The following ANAPC2 variants were observed in gnomAD, a reference collection of about 807,000 sequenced individuals.
ANAPC2 encodes the protein anaphase promoting complex subunit 2.
In ANAPC2, 29 loss-of-function variants were observed where a neutral mutation model predicts 84.3. The observed-to-expected ratio is 0.34, with a 90% CI of 0.26 to 0.47. The LOEUF (loss-of-function observed/expected upper bound fraction) is 0.47. ANAPC2 is among the 20% of genes least tolerant of loss of function. The pLI, the probability that ANAPC2 is intolerant of heterozygous loss-of-function variation, is 1.00. For missense variants in ANAPC2, 857 were observed against 1,131.7 expected, an observed-to-expected ratio of 0.76 and a Z score of 3.48; for synonymous variants, 571 against 479.4, an observed-to-expected ratio of 1.19 and a Z score of -2.50.
At position 137,180,905 on chromosome 9, in the gene ANAPC2, G is replaced by T. The variant is rs201454359; in HGVS notation, c.1493C>A (p.Ser498Ter). Residue 498 changes from serine (S) to a stop codon, truncating the protein, a stop_gained, in exon 8 of 13, where the codon TCA (serine) becomes TAA (stop). Coordinates refer to ENST00000323927, the MANE Select transcript of ANAPC2 (RefSeq NM_013366.4). LOFTEE classifies it high-confidence loss of function. ...DPGKSSSKRR[S>*]SDIISLLVSI... is the part of the protein sequence containing the mutation. ...GACCAGCAGGCTGATGATGTCCGAT[G>T]AACGCCGCTTGGAGCTCGACTTCCC... 6.2e-7 allele frequency: 1 copy of T among 1,613,508 alleles called. No individual in the cohort carries two copies. Among genetic ancestry groups the T allele is most frequent in the East Asian group, 2.2e-5 (1 of 44,884 alleles).
intron 10 of ANAPC2, among the ~76,000 whole-genome samples, chr9:137,179,796 T>C (rs1834301982): frequency 6.6e-6 from 1 of 152,178 alleles, no homozygotes; most frequent in African/African-American, 2.4e-5. Flanking sequence ...GCTGCCTCCC[T>C]GCAGTGACGC....
intron 2 of ANAPC2, 85 bp downstream of exon 2, chr9:137,187,396 G>T (rs1341403784): frequency 1.3e-6 from 2 of 1,510,252 alleles, no homozygotes; most frequent in Non-Finnish European, 1.8e-6. Flanking sequence ...CGGCTCACCA[G>T]CTTTCTGCTG....
intron 4 of ANAPC2, among the ~76,000 whole-genome samples, 199 bp downstream of exon 4, chr9:137,184,714 G>A (rs1194461154): frequency 6.9e-6 from 1 of 144,618 alleles, no homozygotes; most frequent in Non-Finnish European, 1.5e-5. Flanking sequence ...GGCACAGGGA[G>A]CCCAAGACGC....
At position 137,188,075 on chromosome 9, in the gene ANAPC2, G is replaced by C; in HGVS notation, c.146C>G (p.Pro49Arg). ...CGCCCGGAGCTCCTCTTCCTTTGGC[G>C]GGACTGCACCGCTGGTCCGGGAAGA... ...LVSSRTSGAV[P>R]PKEEELRAAV... is the part of the protein sequence containing the mutation. Residue 49 changes from proline (P) to arginine (R), a missense_variant, in exon 2 of 13, where the codon CCG becomes CGG. This residue lies in a region of ANAPC2 where 428 missense variants were observed against 513.8 expected (regional missense o/e 0.83). Transcript: ENST00000323927. 1.2e-6 allele frequency: 2 copies of C among 1,612,796 alleles called. No homozygotes were observed. The highest frequency in any genetic ancestry group is 1.7e-6 in the Non-Finnish European group (2 of 1,179,870).
At position 137,180,841 on chromosome 9, in the gene ANAPC2, G is replaced by A. The variant is rs1834327737; in HGVS notation, c.1557C>T (p.Tyr519=). 1.9e-6 allele frequency: 3 copies of A among 1,612,884 alleles called. No individual in the cohort carries two copies. Among genetic ancestry groups the A allele is most frequent in the Non-Finnish European group, 2.5e-6 (3 of 1,179,962 alleles). ...GCAGGCGGTCGGCCAGCAGCGAGCGGTACTCATTGATGAAGAGGTCCTTGC... is the reference window on the plus strand; with the variant it reads ...GCAGGCGGTCGGCCAGCAGCGAGCGATACTCATTGATGAAGAGGTCCTTGC... ...YGSKDLFINE[Y]RSLLADRLLH... Residue 519 remains tyrosine, a synonymous_variant, in exon 8 of 13, where the codon TAC becomes TAT. Transcript: ENST00000323927.
intron 4 of ANAPC2, among the ~76,000 whole-genome samples, chr9:137,184,612 C>A (rs1834419278): frequency 7.2e-6 from 1 of 139,768 alleles, no homozygotes; most frequent in African/African-American, 2.8e-5. Context: ...CTGGGAGCCC[C>A]AGACGCAGAC....
chr9:137,180,253 G>A lies in ANAPC2; in HGVS notation c.1818C>T (p.Asp606=), dbSNP rs776348056. 1.1e-5 allele frequency: 18 copies of A among 1,613,672 alleles called. No homozygotes were observed. Among genetic ancestry groups the A allele is most frequent in the African/African-American group, 6.7e-5 (5 of 74,944 alleles). Residue 606 remains aspartate, a synonymous_variant, in exon 10 of 13, where the codon GAC becomes GAT. Coordinates refer to ENST00000323927, the MANE Select transcript of ANAPC2 (RefSeq NM_013366.4). ...TATCCTCGGGGACCTCCAGCTTCTC[G>A]TCCTTGAAGGGCGGCCAGAACTCAC... ...LSSEFWPPFK[D]EKLEVPEDIR...
intron 5 of ANAPC2, 105 bp downstream of exon 5, chr9:137,183,567 C>T: frequency 1.4e-6 from 2 of 1,477,018 alleles, no homozygotes; most frequent in African/African-American, 1.4e-5. Context: ...CTTCCTTAGA[C>T]CTACAAGTCC....
At chr9:137,184,874 CA>C in intron 4 of ANAPC2, 38 bp downstream of exon 4, 1 of 1,603,400 alleles carries the variant, frequency 6.2e-7, no homozygotes, top group Non-Finnish European at 8.5e-7. Context: ...GAAGACTCCC[CA>C]GACGGGAGAG....
chr9:137,183,846 G>C, intron 4 of ANAPC2, 55 bp from the exon 5 acceptor site: 16 of 1,596,574 alleles, frequency 1.0e-5, no homozygotes, highest in Non-Finnish European at 1.4e-5. Context: ...CGCACGTGCA[G>C]GCTGGTGCAG....
chr9:137,175,014 C>T lies in ANAPC2; in HGVS notation c.2397G>A (p.Leu799=), dbSNP rs142711586. 1 of 1,604,404 alleles carries T rather than the reference C, an allele frequency of 6.2e-7. No individual in the cohort carries two copies. The highest frequency in any genetic ancestry group is 1.3e-5 in the African/African-American group (1 of 74,940). Residue 799 remains leucine, a synonymous_variant, in exon 13 of 13, where the codon CTG becomes CTA. Transcript: ENST00000323927. The part of the protein sequence containing the change: ...EIDLQELQGY[L]QKKVRDQQLV... The stretch of plus-strand genomic sequence containing the variant: ...GCTGCTGGTCCCGCACCTTCTTCTG[C>T]AGGTAGCCCTGCAGCTCCTGCAGGT...
In ANAPC2 at chr9:137,183,123, A is replaced by C; in HGVS notation, c.1286+2T>G. ...GGCTCCTGGGCCAGCTGCAGCCCTCACCTCAGGTAGCGGCGGATAGGCTCA... is the reference window on the plus strand; with the variant it reads ...GGCTCCTGGGCCAGCTGCAGCCCTCCCCTCAGGTAGCGGCGGATAGGCTCA... On this transcript the variant is annotated splice_donor_variant, in intron 6 of 12. Transcript: ENST00000323927. LOFTEE classifies it high-confidence loss of function. 1 of 1,610,660 alleles carries C rather than the reference A, an allele frequency of 6.2e-7. No individual in the cohort carries two copies. Among genetic ancestry groups the C allele is most frequent in the Non-Finnish European group, 8.5e-7 (1 of 1,177,998 alleles).
In ANAPC2 at chr9:137,181,767, G is replaced by A. The variant is rs1291251076; in HGVS notation, c.1382C>T (p.Pro461Leu). ...GTCCTGGCCTGTCTCCAGGCTCGCC[G>A]GGTCGGTCTTGGACAGCTCAACAGC... Reference protein sequence around the residue: ...DLAVELSKTDPASLETGQDSE... With the variant: ...DLAVELSKTDLASLETGQDSE... The change falls in exon 7 of 13, where the codon CCG becomes CTG. Residue 461 changes from proline to leucine, a missense_variant. Coordinates refer to ENST00000323927, the MANE Select transcript of ANAPC2 (RefSeq NM_013366.4). 2.5e-6 allele frequency: 4 copies of A among 1,611,162 alleles called. No homozygotes were observed. The highest frequency in any genetic ancestry group is 2.5e-6 in the Non-Finnish European group (3 of 1,179,934).
chr9:137,176,117 G>C (rs186828685), intron 10 of ANAPC2: 477 of 369,592 alleles, frequency 1.3e-3, no homozygotes, highest in African/African-American at 8.8e-3. Flanking sequence ...TTGCAAACAG[G>C]GTTGATGCAG....
At position 137,181,671 on chromosome 9, in the gene ANAPC2, G is replaced by A. The variant is rs1333708759; in HGVS notation, c.1468+10C>T. 1.3e-6 allele frequency: 2 copies of A among 1,582,340 alleles called. No homozygotes were observed. Among genetic ancestry groups the A allele is most frequent in the African/African-American group, 2.7e-5 (2 of 74,272 alleles). ...ACACTGGTGAAAGGGACCATGTGGG[G>A]CAAGCTAACCTGGATCGGCATCCAC... On this transcript the variant is annotated intron_variant, in intron 7 of 12. Transcript: ENST00000323927.
Position 137,174,893 on chromosome 9 carries a change from G to A in ANAPC2, c.*49C>T, listed in dbSNP as rs770028631. On this transcript the variant is annotated 3_prime_UTR_variant, in exon 13 of 13. Transcript: ENST00000323927. This position sits in a 1 kb window ranked among gnomAD's most constrained non-coding sequence, Gnocchi z 6.1. ...CGGGGGCTGGCACGGGAGGACGAGA[G>A]CACCTGCAGGGCAGCGCCTGGCGGG... The A allele has an allele frequency of 3.7e-6, 5 of 1,335,226 alleles. No individual in the cohort carries two copies. The highest frequency in any genetic ancestry group is 4.9e-6 in the Non-Finnish European group (5 of 1,026,988). The allele number at this position is 1,335,226 out of a possible 1,614,324, so 82.7% of individuals were successfully genotyped here. A position where few individuals can be genotyped will look rare whatever the true frequency, so the allele number is the denominator to read the frequency against.
chr9:137,177,064 C>G (rs1187979038), intron 10 of ANAPC2: 1 of 152,162 alleles, frequency 6.6e-6, no homozygotes, highest in Admixed American at 6.5e-5. Flanking sequence ...CAGCAGCAGA[C>G]AGGGACAGGT....
At position 137,180,847 on chromosome 9, in the gene ANAPC2, A is replaced by G. The variant is rs371943537; in HGVS notation, c.1551T>C (p.Asn517=). The G allele has an allele frequency of 2.5e-6, 4 of 1,613,054 alleles. No homozygotes were observed. The African/African-American group carries it at 4.0e-5, about 16-fold the overall frequency. The change falls in exon 8 of 13, where the codon AAT becomes AAC. Residue 517 remains asparagine (N), a synonymous_variant. Transcript: ENST00000323927. ...SIYGSKDLFI[N]EYRSLLADRL... The stretch of plus-strand genomic sequence containing the variant: ...GGTCGGCCAGCAGCGAGCGGTACTC[A>G]TTGATGAAGAGGTCCTTGCTGCCGT...
chr9:137,175,661 C>T (rs372984689), intron 11 of ANAPC2, 47 bp downstream of exon 11: 1 of 1,585,708 alleles, frequency 6.3e-7, no homozygotes, highest in African/African-American at 1.3e-5. Context: ...TCACCCACAG[C>T]TGGGCCGTGT....
Sources: gnomAD v4.1 joint callset for allele counts (sites outside exome capture counted in the v4.1 genomes callset) on GRCh38, gnomAD v4.1.1 for gene constraint, gnomAD v4.1.1 regional missense constraint, Gnocchi (gnomAD v3.1) non-coding constraint, MANE v1.5 for transcripts, NCBI Gene and HGNC (gene_info 2026-07-23, HGNC 2026-07-21) for gene names.